The following INTS6 variants were observed in gnomAD, a reference collection of about 807,000 sequenced individuals.
INTS6 encodes DEAD box protein.
A neutral mutation model predicts 104.9 loss-of-function variants in INTS6; 16 were observed. The ratio of observed to expected loss-of-function variants is 0.15; its 90% CI spans 0.10 to 0.23. The LOEUF (loss-of-function observed/expected upper bound fraction) is 0.23, where lower values mean the gene tolerates loss of function less well. INTS6 is among the 10% of genes least tolerant of loss of function. INTS6 has a pLI of 1.00. For synonymous variants in INTS6, 324 were observed against 358.7 expected (o/e 0.90, Z 1.09); for missense variants, 584 against 1,062.8 (o/e 0.55, Z 6.26).
Position 51,374,727 on chromosome 13 carries a change from G to A in INTS6, c.1799C>T (p.Pro600Leu). Reference protein sequence around the residue: ...YQEYLKQVPSPLRELDPDQPR... With the variant: ...YQEYLKQVPSLLRELDPDQPR... Reference sequence around the variant, plus strand: ...CTGATCAGGATCAAGTTCTCTTAGTGGAGAAGGTACTTGCTTGAGGTATTC... The same window carrying A: ...CTGATCAGGATCAAGTTCTCTTAGTAGAGAAGGTACTTGCTTGAGGTATTC... Residue 600 changes from proline to leucine, a missense_variant, in exon 14 of 18, where the codon CCA becomes CTA. This residue lies in a region of INTS6 where 296 missense variants were observed against 437.0 expected (regional missense o/e 0.68). Coordinates refer to ENST00000311234, the MANE Select transcript of INTS6 (RefSeq NM_012141.3). The A allele has an allele frequency of 6.2e-7, 1 of 1,613,474 alleles. No homozygotes were observed. Among genetic ancestry groups the A allele is most frequent in the Non-Finnish European group, 8.5e-7 (1 of 1,179,904 alleles).
At chr13:51,334,684 T>C in the INTS6 span, among the ~76,000 whole-genome samples, 1 of 152,146 alleles carries the variant, frequency 6.6e-6, no homozygotes. Flanking sequence ...GTCTATTATA[T>C]AATAAGACAT....
the INTS6 span, chr13:51,347,365 C>A: frequency 1.3e-6 from 1 of 761,082 alleles, no homozygotes; most frequent in Non-Finnish European, 2.2e-6. Flanking sequence ...CTGGACTGGG[C>A]ATGCATGGCG....
At chr13:51,391,273 ATTTTAAAGTATATAAAC>A (rs1956242575) in intron 5 of INTS6, among the ~76,000 whole-genome samples, 1 of 152,132 alleles carries the variant, frequency 6.6e-6, no homozygotes, top group Non-Finnish European at 1.5e-5. Flanking sequence ...AAAAGCAAAA[ATTTTAAAGTATATAAAC>A]TATGACAATT....
rs1468633779 is a variant in INTS6 at position 51,374,795 on chromosome 13, A to C, written c.1731T>G (p.Asp577Glu). The change falls in exon 14 of 18, where the codon GAT becomes GAG. Residue 577 changes from aspartate to glutamate, a missense_variant and splice_region_variant. By Grantham distance (45) the Asp-to-Glu change is conservative. This residue lies in a region of INTS6 where 296 missense variants were observed against 437.0 expected (regional missense o/e 0.68). Coordinates refer to ENST00000311234, the MANE Select transcript of INTS6 (RefSeq NM_012141.3). The stretch of plus-strand genomic sequence containing the variant: ...GTGCTATAGGAACACTGTGCACTTG[A>C]TCTTTCAAAAAGAATACAACAGCAA... The part of the protein sequence containing the change: ...TRRFLKGQDE[D>E]QVHSVPIAQM... 6.2e-7 allele frequency: 1 copy of C among 1,610,956 alleles called. No homozygotes were observed. Among genetic ancestry groups the C allele is most frequent in the African/African-American group, 1.3e-5 (1 of 74,794 alleles).
chr13:51,436,318 T>C (rs1952686002), intron 3 of INTS6: 1 of 152,144 alleles, frequency 6.6e-6, no homozygotes, highest in Non-Finnish European at 1.5e-5. Flanking sequence ...AATATAAAAA[T>C]CTGGTAACAG....
intron 4 of INTS6, among the ~76,000 whole-genome samples, chr13:51,412,893 G>C (rs1349921377): frequency 6.6e-6 from 1 of 152,084 alleles, no homozygotes; most frequent in Non-Finnish European, 1.5e-5. Context: ...TTATTGACTT[G>C]GAAGAAACTA....
intron 3 of INTS6, chr13:51,450,524 A>C: frequency 1.0e-6 from 1 of 972,020 alleles, no homozygotes; most frequent in Non-Finnish European, 1.2e-6. Flanking sequence ...AGAAAACTTA[A>C]ATGTTCTCAG....
intron 4 of INTS6, chr13:51,422,957 G>C (rs919998473): frequency 1.3e-6 from 1 of 745,828 alleles, no homozygotes; most frequent in Non-Finnish European, 1.9e-6. Flanking sequence ...CTTTCTTTAC[G>C]CTGTCTCAGA....
Position 51,383,721 on chromosome 13 carries a change from A to G in INTS6, c.915T>C (p.Pro305=), listed in dbSNP as rs199921091. Residue 305 remains proline (P), a synonymous_variant, in exon 8 of 18, where the codon CCT becomes CCC. Coordinates refer to ENST00000311234, the MANE Select transcript of INTS6 (RefSeq NM_012141.3). ...AGTCTGTACAGGAAAACTTCACTAC[A>G]GGATGAGATGTACGAGGTGGCTAAA... ...SPTLPPRTSH[P]VVKFSCTDCE... 5 of 1,612,502 alleles carry G rather than the reference A, an allele frequency of 3.1e-6. No homozygotes were observed. The African/African-American group carries it at 6.7e-5, about 21-fold the overall frequency.
At chr13:51,388,572 T>C (rs936144485) in intron 6 of INTS6, among the ~76,000 whole-genome samples, 17 of 152,080 alleles carry the variant, frequency 1.1e-4, no homozygotes, top group African/African-American at 3.6e-4. Flanking sequence ...TTTGTATTTT[T>C]AGTAGACACG....
At chr13:51,359,804 T>G (rs2137822059), downstream of INTS6, among the ~76,000 whole-genome samples, 1 of 152,212 alleles carries the variant, frequency 6.6e-6, no homozygotes, top group South Asian at 2.1e-4. Flanking sequence ...TCTTTGTAAC[T>G]TTGGCACTGC....
the INTS6 span, chr13:51,348,263 T>C: frequency 1.2e-6 from 2 of 1,608,450 alleles, no homozygotes; most frequent in African/African-American, 1.3e-5. Flanking sequence ...GGAGCTTCCT[T>C]ACCTGGGAAG....
rs1348413162 is a variant in INTS6 at position 51,361,815 on chromosome 13, T to C, written c.*3937A>G. 4 of 1,604,122 alleles carry C rather than the reference T, an allele frequency of 2.5e-6. No homozygotes were observed. Among genetic ancestry groups the C allele is most frequent in the Non-Finnish European group, 3.4e-6 (4 of 1,176,658 alleles). Reference sequence around the variant, plus strand: ...TTTTTCTTTCTTTCCTGCAGCTCTGTTGTTATTGAAAAGGTCTCGGATTCC... The same window carrying C: ...TTTTTCTTTCTTTCCTGCAGCTCTGCTGTTATTGAAAAGGTCTCGGATTCC... On this transcript the variant is annotated 3_prime_UTR_variant, in exon 18 of 18. Transcript: ENST00000311234.
At chr13:51,419,346 A>C (rs984622282) in intron 4 of INTS6, among the ~76,000 whole-genome samples, 10 of 152,186 alleles carry the variant, frequency 6.6e-5, no homozygotes, top group Non-Finnish European at 8.8e-5. Flanking sequence ...TCAATCTGTA[A>C]GACAAAGTCG....
the INTS6 span, chr13:51,348,485 T>A: frequency 7.7e-7 from 1 of 1,306,834 alleles, no homozygotes; most frequent in Non-Finnish European, 1.1e-6. Context: ...ACACAGGTGG[T>A]CTGCCTCCAG....
intron 3 of INTS6, among the ~76,000 whole-genome samples, chr13:51,356,397 T>A (rs1484298503): frequency 2.0e-5 from 3 of 152,116 alleles, no homozygotes; most frequent in Non-Finnish European, 4.4e-5. Context: ...CTTAAGAGAA[T>A]TCTATGTTTG....
the INTS6 span, among the ~76,000 whole-genome samples, chr13:51,337,442 G>A: frequency 6.6e-6 from 1 of 152,212 alleles, no homozygotes; most frequent in Non-Finnish European, 1.5e-5. Flanking sequence ...CCTGGTAAAT[G>A]TGGGCAAAGT....
intron 12 of INTS6, among the ~76,000 whole-genome samples, chr13:51,376,841 T>A (rs1198754715): frequency 6.6e-6 from 1 of 152,202 alleles, no homozygotes; most frequent in African/African-American, 2.4e-5. Context: ...ACACACCACA[T>A]CTTCTTTATC....
In INTS6 at chr13:51,375,764, T is replaced by TGCGC. The variant is rs1555283860; in HGVS notation, c.1729+283_1729+284insGCGC. The stretch of plus-strand genomic sequence containing the variant: ...GTGTGTGTGTGTGTGTGTGTGTGTG[T>TGCGC]GTGCGCGCGCGTGCGCGCATGAATG... On this transcript the variant is annotated intron_variant, in intron 13 of 17. Coordinates refer to ENST00000311234, the MANE Select transcript of INTS6 (RefSeq NM_012141.3). Among the ~76,000 whole-genome samples the TGCGC allele has an allele frequency of 4.3e-4, 65 of 150,950 alleles. 1 individual carries two copies. In the South Asian group the frequency reaches 4.6e-3, roughly 11 times the overall value.
Sources: gnomAD v4.1 joint callset for allele counts (sites outside exome capture counted in the v4.1 genomes callset) on GRCh38, gnomAD v4.1.1 for gene constraint, gnomAD v4.1.1 regional missense constraint, MANE v1.5 for transcripts, NCBI Gene and HGNC (gene_info 2026-07-23, HGNC 2026-07-21) for gene names.